The following POLA1 variants were observed in gnomAD, a reference collection of about 807,000 sequenced individuals.
POLA1 encodes DNA polymerase alpha catalytic subunit.
A neutral mutation model predicts 124.0 loss-of-function variants in POLA1; 15 were observed. The ratio of observed to expected loss-of-function variants is 0.12; its 90% CI spans 0.08 to 0.19. POLA1 has a LOEUF of 0.19. Ranked by LOEUF, POLA1 falls within the 10% of genes least tolerant of loss-of-function variation. The pLI, the probability that POLA1 is intolerant of heterozygous loss-of-function variation, is 1.00. For missense variants in POLA1, 886 were observed against 1,103.4 expected (o/e 0.80, Z 2.79); for synonymous variants, 408 against 389.4 (o/e 1.05, Z -0.56).
intron 36 of POLA1, among the ~76,000 whole-genome samples, chrX:24,949,933 C>T (rs1279675999): frequency 9.1e-6 from 1 of 109,633 alleles, no homozygotes; most frequent in Non-Finnish European, 1.9e-5. Flanking sequence ...GGGGGATCAC[C>T]ATGTTGGCCA....
intron 26 of POLA1, among the ~76,000 whole-genome samples, chrX:24,798,894 CAGA>C (rs2045659061): frequency 1.8e-5 from 2 of 111,287 alleles, no homozygotes; most frequent in Admixed American, 1.9e-4. Context: ...CAGTCTTTCT[CAGA>C]AGATTTTTTT....
intron 32 of POLA1, among the ~76,000 whole-genome samples, chrX:24,831,725 A>C (rs1451971564): frequency 8.9e-6 from 1 of 112,555 alleles, no homozygotes; most frequent in Non-Finnish European, 1.9e-5. Context: ...CTGGCCCCAA[A>C]CTGTAAATAT....
intron 1 of POLA1, among the ~76,000 whole-genome samples, chrX:24,698,342 C>T (rs1256830993): frequency 8.9e-6 from 1 of 111,991 alleles, no homozygotes; most frequent in African/African-American, 3.2e-5. Flanking sequence ...TCTGATATTT[C>T]AGTAATTTTT....
chrX:24,844,125 G>A (rs1485147493), intron 34 of POLA1, among the ~76,000 whole-genome samples: 18 of 109,696 alleles, frequency 1.6e-4, no homozygotes. Flanking sequence ...TGTTTATGTA[G>A]CACTCTAAAC....
chrX:24,914,528 C>CAA (rs10715174), intron 35 of POLA1, among the ~76,000 whole-genome samples: 2 of 83,865 alleles, frequency 2.4e-5, no homozygotes, highest in Non-Finnish European at 2.4e-5. Flanking sequence ...CCCACCCCCG[C>CAA]AAAAAAAAAA....
chrX:24,762,752 T>G (rs1932819157), intron 26 of POLA1, among the ~76,000 whole-genome samples: 1 of 110,450 alleles, frequency 9.1e-6, no homozygotes, highest in South Asian at 3.9e-4. Flanking sequence ...GGGTTTTTTT[T>G]TTTGAGGCAG....
At chrX:24,766,858 G>A (rs1932917004) in intron 26 of POLA1, among the ~76,000 whole-genome samples, 1 of 111,845 alleles carries the variant, frequency 8.9e-6, no homozygotes, top group Non-Finnish European at 1.9e-5. Context: ...AGATTAAAAA[G>A]CATGAGAAGA....
intron 29 of POLA1, among the ~76,000 whole-genome samples, chrX:24,814,551 G>A (rs1386866351): frequency 8.9e-6 from 1 of 112,029 alleles, no homozygotes; most frequent in Non-Finnish European, 1.9e-5. Flanking sequence ...GTCTCAGGTG[G>A]AGATGATATC....
intron 33 of POLA1, among the ~76,000 whole-genome samples, chrX:24,842,236 AGTTTGT>A (rs2046420019): frequency 8.9e-6 from 1 of 112,082 alleles, no homozygotes; most frequent in African/African-American, 3.2e-5. Context: ...GTTTTGGGAA[AGTTTGT>A]GTTTGTCTTT....
intron 35 of POLA1, among the ~76,000 whole-genome samples, chrX:24,902,222 C>A (rs1167300139): frequency 8.9e-6 from 1 of 111,955 alleles, no homozygotes; most frequent in South Asian, 3.7e-4. Context: ...GAGAAGATTG[C>A]ATAGAAAAGG....
At chrX:24,765,257 A>G (rs138452170) in intron 26 of POLA1, among the ~76,000 whole-genome samples, 12 of 101,855 alleles carry the variant, frequency 1.2e-4, no homozygotes, top group African/African-American at 4.4e-4. Flanking sequence ...CTCAGCTTAT[A>G]TGTCACCTTC....
intron 34 of POLA1, among the ~76,000 whole-genome samples, chrX:24,886,408 TG>T (rs2047066296): frequency 8.9e-6 from 1 of 112,176 alleles, no homozygotes. Context: ...TTACTGTGGG[TG>T]TATTGACTAG....
chrX:24,849,082 A>G (rs1181611395), intron 34 of POLA1, among the ~76,000 whole-genome samples: 1 of 113,291 alleles, frequency 8.8e-6, no homozygotes, highest in African/African-American at 3.2e-5. Context: ...AAAAAGTTTA[A>G]GCACTTTTGG....
chrX:24,826,641 A>C, intron 32 of POLA1, 40 bp downstream of exon 32: 1 of 941,125 alleles, frequency 1.1e-6, no homozygotes, highest in Non-Finnish European at 1.5e-6. Flanking sequence ...ACATGGTAAC[A>C]GGGGCACATG....
At chrX:24,699,189 T>A (rs1928238771) in intron 1 of POLA1, among the ~76,000 whole-genome samples, 1 of 112,224 alleles carries the variant, frequency 8.9e-6, no homozygotes, top group Non-Finnish European at 1.9e-5. Flanking sequence ...GAGAAAAAAA[T>A]AACAGTGACT....
At chrX:24,907,361 AT>A (rs1699464546) in intron 35 of POLA1, among the ~76,000 whole-genome samples, 1 of 111,436 alleles carries the variant, frequency 9.0e-6, no homozygotes, top group Non-Finnish European at 1.9e-5. Context: ...AAGAAATAAT[AT>A]TTGAAACGTC....
chrX:24,791,736 T>C (rs1172750384), intron 26 of POLA1, among the ~76,000 whole-genome samples: 2 of 112,475 alleles, frequency 1.8e-5, no homozygotes, highest in African/African-American at 6.5e-5. Context: ...GTTTTTATTT[T>C]TTAGGAATGA....
chrX:24,820,996 T>C (rs1388990164), intron 30 of POLA1, among the ~76,000 whole-genome samples: 1 of 112,041 alleles, frequency 8.9e-6, no homozygotes, highest in African/African-American at 3.2e-5. Context: ...TAGAGGTTGA[T>C]TGACAGCATG....
At chrX:24,838,170 C>G (rs1449446480) in intron 32 of POLA1, among the ~76,000 whole-genome samples, 1 of 111,803 alleles carries the variant, frequency 8.9e-6, no homozygotes, top group African/African-American at 3.3e-5. Context: ...CTCATACACC[C>G]TGATGCCTAT....
Sources: gnomAD v4.1 joint callset for allele counts (sites outside exome capture counted in the v4.1 genomes callset) on GRCh38, gnomAD v4.1.1 for gene constraint, MANE v1.5 for transcripts, NCBI Gene and HGNC (gene_info 2026-07-23, HGNC 2026-07-21) for gene names.